SLK: variants seen among roughly 807,000 people sequenced by gnomAD.
The protein encoded by SLK is STE20-like serine/threonine-protein kinase.
In SLK, 67 loss-of-function variants were observed where a neutral mutation model predicts 147.7. The observed-to-expected ratio is 0.45, with a 90% confidence interval of 0.37 to 0.56. The LOEUF is 0.56. SLK is among the 20% of genes least tolerant of loss of function. SLK has a pLI of 0.00. For missense variants in SLK, 1,136 were observed against 1,438.8 expected (o/e 0.79, Z 3.41); for synonymous variants, 441 against 475.0 (o/e 0.93, Z 0.93).
intron 9 of SLK, 115 bp downstream of exon 9, chr10:104,003,642 A>G (rs1036477911): frequency 2.3e-6 from 2 of 873,186 alleles, no homozygotes; most frequent in Non-Finnish European, 3.4e-6. Flanking sequence ...AGTATTAACA[A>G]TATAAATTCT....
chr10:103,990,661 A>T lies in SLK; in HGVS notation c.151-14A>T. On this transcript the variant is annotated splice_polypyrimidine_tract_variant and intron_variant, in intron 1 of 18. Transcript: ENST00000369755. The stretch of plus-strand genomic sequence containing the variant: ...GCATTTGAAATGTGACACTTCTGAT[A>T]CTTTCATTTTCAGGCCCAGAATAAA... The T allele has an allele frequency of 6.7e-7, 1 of 1,502,342 alleles. No homozygotes were observed. Among genetic ancestry groups the T allele is most frequent in the Non-Finnish European group, 8.9e-7 (1 of 1,124,466 alleles). The allele number at this position is 1,502,342 out of a possible 1,614,324, so 93.1% of individuals were successfully genotyped here.
intron 2 of SLK, among the ~76,000 whole-genome samples, chr10:103,992,228 G>A (rs1844106383): frequency 8.0e-6 from 1 of 125,732 alleles, no homozygotes; most frequent in South Asian, 2.6e-4. Context: ...AAAAACAAAT[G>A]TATATTTGTT....
At chr10:104,017,652 G>A (rs1382842390) in intron 13 of SLK, among the ~76,000 whole-genome samples, 3 of 152,096 alleles carry the variant, frequency 2.0e-5, no homozygotes, top group Non-Finnish European at 2.9e-5. Context: ...GCTAATTTTT[G>A]TATATTTAGT....
chr10:103,976,185 G>C (rs1451216638), intron 1 of SLK, among the ~76,000 whole-genome samples: 1 of 152,110 alleles, frequency 6.6e-6, no homozygotes, highest in African/African-American at 2.4e-5. Context: ...TTACAGGTGT[G>C]AGCCACCATG....
rs891162894 is a variant in SLK at position 104,026,858 on chromosome 10, A to G, written c.*1138A>G. On this transcript the variant is annotated 3_prime_UTR_variant, in exon 19 of 19. Coordinates refer to ENST00000369755, the MANE Select transcript of SLK (RefSeq NM_014720.4). ...ATTTTGTTCCATGTTTAAATCATTC[A>G]CTTTGATTTGAGTGGGAAAAGCCTG... 6.6e-6 allele frequency: 1 copy of G among 152,162 alleles called. No homozygotes were observed. Among genetic ancestry groups the G allele is most frequent in the Non-Finnish European group, 1.5e-5 (1 of 68,018 alleles). 9.4% of individuals were successfully genotyped at this position (152,162 alleles called of 1,614,324 possible). A position where few individuals can be genotyped will look rare whatever the true frequency, so the allele number is the denominator to read the frequency against.
chr10:104,021,722 C>T lies in SLK; in HGVS notation c.3550C>T (p.Pro1184Ser). 1 of 1,570,406 alleles carries T rather than the reference C, an allele frequency of 6.4e-7. No individual in the cohort carries two copies. The highest frequency in any genetic ancestry group is 8.7e-7 in the Non-Finnish European group (1 of 1,144,178). The change falls in exon 18 of 19, where the codon CCT becomes TCT. Residue 1184 changes from proline (P) to serine (S), a missense_variant. Physicochemically the swap from Pro to Ser is moderately conservative, Grantham distance 74 (BLOSUM62 -1). Coordinates refer to ENST00000369755, the MANE Select transcript of SLK (RefSeq NM_014720.4). ...AAAGGAGTGGAGAGAGAAATTGAGACCTAGGAAAAAGGTAATTTTAAAAGC... is the reference window on the plus strand; with the variant it reads ...AAAGGAGTGGAGAGAGAAATTGAGATCTAGGAAAAAGGTAATTTTAAAAGC... ...ELKEWREKLR[P>S]RKKTLEEEFA...
Position 103,994,561 on chromosome 10 carries a change from G to A in SLK, c.514+1428G>A, listed in dbSNP as rs914086798. ...GATGAGGGCAATATCACCCACATGG[G>A]TGCAAAAATTAGTTCTTTAGGGCCA... is the stretch of plus-strand genomic sequence containing the variant. On this transcript the variant is annotated intron_variant, in intron 4 of 18. Coordinates refer to ENST00000369755, the MANE Select transcript of SLK (RefSeq NM_014720.4). Among the ~76,000 whole-genome samples the A allele has an allele frequency of 3.3e-5, 5 of 152,040 alleles. No homozygotes were observed. The East Asian group carries it at 9.7e-4, about 29-fold the overall frequency.
At chr10:103,981,069 C>G (rs1843934876) in intron 1 of SLK, among the ~76,000 whole-genome samples, 1 of 152,096 alleles carries the variant, frequency 6.6e-6, no homozygotes, top group African/African-American at 2.4e-5. Flanking sequence ...TTATATATCT[C>G]TAATATTAGT....
intron 11 of SLK, among the ~76,000 whole-genome samples, chr10:104,006,563 T>A (rs887698216): frequency 6.6e-6 from 1 of 152,220 alleles, no homozygotes; most frequent in African/African-American, 2.4e-5. Context: ...TAGCTGTCAC[T>A]GAGTCCTTCA....
chr10:103,998,708 A>G (rs999896432), intron 4 of SLK, among the ~76,000 whole-genome samples, 191 bp from the exon 5 acceptor site: 9 of 152,282 alleles, frequency 5.9e-5, no homozygotes, highest in Admixed American at 5.9e-4. Flanking sequence ...GATCTTTAGC[A>G]GGTTTTTTTG....
rs182458142 is a variant in SLK, at chr10:104,025,741, G to A, written c.*21G>A. 1.9e-3 allele frequency: 3,062 copies of A among 1,611,494 alleles called. 17 individuals are homozygous for A. Among genetic ancestry groups the A allele is most frequent in the Middle Eastern group, 0.014 (84 of 6,050 alleles). On this transcript the variant is annotated 3_prime_UTR_variant, in exon 19 of 19. Coordinates refer to ENST00000369755, the MANE Select transcript of SLK (RefSeq NM_014720.4). ...CATAACAAAGGGAAGCATTCTGTGC[G>A]TGGGTTTGGCTCTTTCAGTATGTCA...
intron 18 of SLK, among the ~76,000 whole-genome samples, chr10:104,022,350 G>A (rs1196526601): frequency 6.6e-6 from 1 of 152,126 alleles, no homozygotes; most frequent in African/African-American, 2.4e-5. Context: ...TGTCTTCTCT[G>A]TCTCACCCCT....
intron 1 of SLK, among the ~76,000 whole-genome samples, chr10:103,975,711 G>A (rs186175837): frequency 6.6e-6 from 1 of 152,142 alleles, no homozygotes; most frequent in Admixed American, 6.5e-5. Flanking sequence ...TTGCTTTATG[G>A]TATTTTATGA....
chr10:103,988,675 T>C (rs72821416), intron 1 of SLK, among the ~76,000 whole-genome samples: 5,390 of 152,224 alleles, frequency 0.035, 144 homozygotes, highest in Middle Eastern at 0.061. Context: ...TCCTTTAAAG[T>C]AGAGGTAATA....
intron 2 of SLK, 103 bp from the exon 3 acceptor site, chr10:103,992,495 T>C (rs1844110123): frequency 1.0e-6 from 1 of 1,001,460 alleles, no homozygotes; most frequent in Non-Finnish European, 1.5e-6. Flanking sequence ...GATTATTTGA[T>C]AGCTATTTCT....
At chr10:104,001,355 T>C (rs1844245382) in intron 7 of SLK, 89 bp from the exon 8 acceptor site, 17 of 1,023,638 alleles carry the variant, frequency 1.7e-5, no homozygotes, top group Non-Finnish European at 2.2e-5. Flanking sequence ...TTCATATTTT[T>C]TACCACATAA....
At chr10:104,015,494 T>C (rs1844451292) in intron 13 of SLK, among the ~76,000 whole-genome samples, 1 of 152,202 alleles carries the variant, frequency 6.6e-6, no homozygotes, top group Admixed American at 6.5e-5. Flanking sequence ...TTTGAACTTT[T>C]AAAAATGTGA....
At position 104,025,888 on chromosome 10, in the gene SLK, A is replaced by G; in HGVS notation, c.*168A>G. 1 of 581,626 alleles carries G rather than the reference A, an allele frequency of 1.7e-6. No individual in the cohort carries two copies. Among genetic ancestry groups the G allele is most frequent in the East Asian group, 3.0e-5 (1 of 33,828 alleles). 36.0% of individuals were successfully genotyped at this position (581,626 alleles called of 1,614,324 possible). A position where few individuals can be genotyped will look rare whatever the true frequency, so the allele number is the denominator to read the frequency against. On this transcript the variant is annotated 3_prime_UTR_variant, in exon 19 of 19. Coordinates refer to ENST00000369755, the MANE Select transcript of SLK (RefSeq NM_014720.4). ...TTGTTTTGTTTTTAAGCAAAGATGA[A>G]GGGAAAACGAACTAAGACAGACGCT...
At chr10:103,988,101 TG>T (rs1326759670) in intron 1 of SLK, among the ~76,000 whole-genome samples, 6 of 152,224 alleles carry the variant, frequency 3.9e-5, no homozygotes, top group Non-Finnish European at 5.9e-5. Context: ...ATATGTTATA[TG>T]GGGAGGCTAA....
Sources: gnomAD v4.1 joint callset for allele counts (sites outside exome capture counted in the v4.1 genomes callset) on GRCh38, gnomAD v4.1.1 for gene constraint, MANE v1.5 for transcripts, NCBI Gene and HGNC (gene_info 2026-07-23, HGNC 2026-07-21) for gene names.